Variants in LZTR1 observed in about 807,000 individuals in gnomAD.
LZTR1 encodes leucine zipper like post translational regulator 1.
In LZTR1, 260 loss-of-function variants were observed where a neutral mutation model predicts 105.7. The observed-to-expected ratio is 2.46, with a 90% CI of 2.22 to 2.72. The LOEUF is 2.72. Among genes scored for constraint, LZTR1 ranks in the 30% most tolerant of loss-of-function variants. The probability of loss-of-function intolerance (pLI) is 0.00; values close to 1 mark genes in which losing one functional copy is unlikely to be tolerated. For missense variants in LZTR1, 1,214 were observed against 1,166.9 expected, an observed-to-expected ratio of 1.04 and a Z score of -0.59; for synonymous variants, 490 against 476.4, an observed-to-expected ratio of 1.03 and a Z score of -0.37.
Position 20,996,050 on chromosome 22 carries a change from CT to C in LZTR1, c.2159del (p.Phe720SerfsTer47). ...GGGAGATGGTGCCCAGCAGGCAGGCCTTCGAGTCCATGCTGCGCTACATCTA... is the reference window on the plus strand; with the variant it reads ...GGGAGATGGTGCCCAGCAGGCAGGCCTCGAGTCCATGCTGCGCTACATCTA... ...IGEMVPSRQA[F>X]ESMLRYIYYG... On this transcript the variant is annotated frameshift_variant, in exon 18 of 21. Transcript: ENST00000646124. LOFTEE classifies it high-confidence loss of function. The C allele has an allele frequency of 6.2e-7, 1 of 1,613,526 alleles. No individual in the cohort carries two copies. The highest frequency in any genetic ancestry group is 8.5e-7 in the Non-Finnish European group (1 of 1,180,010).
rs532301173 is a variant in LZTR1 at position 20,983,992 on chromosome 22, T to A, written c.263+903T>A. Among the ~76,000 whole-genome samples the A allele has an allele frequency of 1.2e-4, 18 of 152,350 alleles. No homozygotes were observed. In the Middle Eastern group the frequency reaches 0.01, roughly 86 times the overall value. ...TGCTCCTCTGCCCTCAGTCCCTCAC[T>A]GCACTGGGGCGGCACGGGCTGCCTT... is the stretch of plus-strand genomic sequence containing the variant. On this transcript the variant is annotated intron_variant, in intron 2 of 20. Coordinates refer to ENST00000646124, the MANE Select transcript of LZTR1 (RefSeq NM_006767.4).
chr22:20,988,933 G>A lies in LZTR1; in HGVS notation c.593+61G>A, dbSNP rs763843732. On this transcript the variant is annotated intron_variant, in intron 6 of 20. Coordinates refer to ENST00000646124, the MANE Select transcript of LZTR1 (RefSeq NM_006767.4). ...ACAGCACTGAGACCCGGAGCAGGCC[G>A]TCCTGGCATTTGAGGGCTTAGGCTG... The A allele has an allele frequency of 1.8e-5, 27 of 1,470,482 alleles. 1 individual carries two copies. The highest frequency in any genetic ancestry group is 1.1e-4 in the South Asian group (10 of 88,228). 91.1% of individuals were successfully genotyped at this position (1,470,482 alleles called of 1,614,324 possible).
At chr22:20,997,180 T>C (rs1291710012) in intron 20 of LZTR1, 52 bp from the exon 21 acceptor site, 12 of 1,302,486 alleles carry the variant, frequency 9.2e-6, no homozygotes, top group Non-Finnish European at 1.3e-5. Flanking sequence ...CTGCCCACCA[T>C]GGCCCTTAGG....
chr22:20,987,581 T>G lies in LZTR1; in HGVS notation c.398T>G (p.Phe133Cys). 1.2e-6 allele frequency: 2 copies of G among 1,614,014 alleles called. No individual in the cohort carries two copies. Among genetic ancestry groups the G allele is most frequent in the Non-Finnish European group, 8.5e-7 (1 of 1,179,942 alleles). Residue 133 changes from phenylalanine (F) to cysteine (C), a missense_variant and splice_region_variant, in exon 4 of 21, where the codon TTT (phenylalanine) becomes TGT (cysteine). Physicochemically the swap from Phe to Cys is radical, Grantham distance 205. Transcript: ENST00000646124. ...AVVYGSSMFV[F>C]GGYTGDIYSN... The stretch of plus-strand genomic sequence containing the variant: ...GTCTATGGGAGCAGCATGTTTGTCT[T>G]TGGTAAGCAGCCTCTTGCCTCCCAG...
Position 20,996,101 on chromosome 22 carries a change from C to G in LZTR1, c.2208C>G (p.Pro736=). 1 of 1,612,454 alleles carries G rather than the reference C, an allele frequency of 6.2e-7. No individual in the cohort carries two copies. The highest frequency in any genetic ancestry group is 8.5e-7 in the Non-Finnish European group (1 of 1,179,910). The part of the protein sequence containing the change: ...YIYYGEVNMP[P]EDSLYLFAAP... The stretch of plus-strand genomic sequence containing the variant: ...ACTACGGCGAGGTCAACATGCCGCC[C>G]GAGGACTCGCTGCATCCTCACTCCC... Residue 736 remains proline (P), a synonymous_variant, in exon 18 of 21, where the codon CCC becomes CCG. Transcript: ENST00000646124.
At chr22:20,995,368 G>A (rs773221421) in intron 16 of LZTR1, 2 of 614,042 alleles carry the variant, frequency 3.3e-6, no homozygotes, top group Non-Finnish European at 6.3e-6. Flanking sequence ...AATGTCACAG[G>A]CCCCTTCATT....
rs1569158296 is a variant in LZTR1 at position 20,996,679 on chromosome 22, CCTT to C, written c.2220-16_2220-14del. 5.6e-6 allele frequency: 9 copies of C among 1,611,634 alleles called. No individual in the cohort carries two copies. The highest frequency in any genetic ancestry group is 1.1e-5 in the South Asian group (1 of 90,964). ...GCGGACCAGCTTCCTTTAGTCAGCT[CCTT>C]AACCAGGCCCCAGCTACTTGTTTGC... On this transcript the variant is annotated splice_polypyrimidine_tract_variant and intron_variant, in intron 18 of 20. Coordinates refer to ENST00000646124, the MANE Select transcript of LZTR1 (RefSeq NM_006767.4).
chr22:20,983,352 G>A (rs1195370862), intron 2 of LZTR1, among the ~76,000 whole-genome samples: 6 of 152,234 alleles, frequency 3.9e-5, no homozygotes, highest in Non-Finnish European at 2.9e-5. Flanking sequence ...CTGAGTAGAT[G>A]CAGCCTTGAA....
intron 3 of LZTR1, chr22:20,986,428 AGATAGAT>A (rs1463049451): frequency 2.8e-5 from 4 of 143,194 alleles, no homozygotes; most frequent in African/African-American, 1.0e-4. Context: ...AAAGAAAGAT[AGATAGAT>A]GATAGAAAGA....
chr22:20,994,645 A>G lies in LZTR1; in HGVS notation c.1703A>G (p.Gln568Arg). Residue 568 changes from glutamine (Q) to arginine (R), a missense_variant, in exon 15 of 21, where the codon CAG (glutamine) becomes CGG (arginine). Transcript: ENST00000646124. ...TGCCGCCTGGAGCAGCTGTGCCGCC[A>G]GTACATCGAGGCCTCCGTGGACCTG... ...QLCRLEQLCR[Q>R]YIEASVDLQN... 1 of 1,612,946 alleles carries G rather than the reference A, an allele frequency of 6.2e-7. No homozygotes were observed. The highest frequency in any genetic ancestry group is 8.5e-7 in the Non-Finnish European group (1 of 1,179,828).
In LZTR1 at chr22:20,993,734, G is replaced by T. The variant is rs201070853; in HGVS notation, c.1333G>T (p.Val445Leu). 3.1e-6 allele frequency: 5 copies of T among 1,613,228 alleles called. No individual in the cohort carries two copies. Among genetic ancestry groups the T allele is most frequent in the Non-Finnish European group, 3.4e-6 (4 of 1,179,870 alleles). ...GTGGGAGAGCCGCCAGTTCTGCGAC[G>T]TGGAGTTCGTGCTGGGTGAGGTGGG... ...RLWESRQFCDVEFVLGEKEEC... is the reference protein window; with the variant it reads ...RLWESRQFCDLEFVLGEKEEC... The change falls in exon 12 of 21, where the codon GTG becomes TTG. Residue 445 changes from valine to leucine, a missense_variant. Val to Leu is a conservative substitution (Grantham distance 32). Transcript: ENST00000646124.
At chr22:20,995,441 C>G (rs1276375326) in intron 16 of LZTR1, 1 of 634,992 alleles carries the variant, frequency 1.6e-6, no homozygotes, top group South Asian at 1.5e-5. Flanking sequence ...TGTCTGCAGG[C>G]ACCAGAGGCC....
At chr22:20,989,221 A>G (rs923802502) in intron 6 of LZTR1, among the ~76,000 whole-genome samples, 13 of 152,186 alleles carry the variant, frequency 8.5e-5, no homozygotes, top group Non-Finnish European at 1.5e-4. Flanking sequence ...TTATTTTAGA[A>G]AGTTGGCTTT....
At chr22:20,985,798 G>A (rs753611027) in intron 2 of LZTR1, 43 bp from the exon 3 acceptor site, 2 of 1,597,818 alleles carry the variant, frequency 1.3e-6, no homozygotes, top group East Asian at 2.2e-5. Flanking sequence ...TCACTGCAGA[G>A]TAGACCTGGC....
In LZTR1 at chr22:20,982,470, C is replaced by T. The variant is rs1372454885; in HGVS notation, c.99C>T (p.Ser33=). ...CCCCGAGCGTGGACTTCGACCATAG[C>T]TGCTCGGACAGTGTCGAGTACCTGA... ...KVAPSVDFDH[S]CSDSVEYLTL... Residue 33 remains serine, a synonymous_variant, in exon 1 of 21, where the codon AGC becomes AGT. Transcript: ENST00000646124. 1 of 1,609,680 alleles carries T rather than the reference C, an allele frequency of 6.2e-7. No homozygotes were observed. Among genetic ancestry groups the T allele is most frequent in the Non-Finnish European group, 8.5e-7 (1 of 1,178,208 alleles).
At chr22:20,986,484 A>G (rs1039737409) in intron 3 of LZTR1, 2 of 152,612 alleles carry the variant, frequency 1.3e-5, no homozygotes, top group African/African-American at 4.8e-5. Flanking sequence ...TAGATTAGAC[A>G]GATAGATGAC....
chr22:20,985,327 T>C (rs1172181286), intron 2 of LZTR1, among the ~76,000 whole-genome samples: 3 of 152,186 alleles, frequency 2.0e-5, no homozygotes, highest in African/African-American at 7.2e-5. Flanking sequence ...CCCAAAGTGC[T>C]GGGATTACAG....
intron 2 of LZTR1, among the ~76,000 whole-genome samples, chr22:20,984,042 C>T (rs192579376): frequency 8.8e-4 from 134 of 152,288 alleles, no homozygotes; most frequent in African/African-American, 3.0e-3. Context: ...GTACCAAGTG[C>T]CCCCCTGCTC....
intron 8 of LZTR1, 146 bp from the exon 9 acceptor site, chr22:20,991,482 C>A: frequency 1.5e-6 from 1 of 651,426 alleles, no homozygotes; most frequent in Non-Finnish European, 2.6e-6. Flanking sequence ...GTGCTCAGCG[C>A]AGGTGTCTAG....
Sources: allele counts gnomAD v4.1 joint callset (sites outside exome capture counted in the v4.1 genomes callset), GRCh38; gene constraint gnomAD v4.1.1; transcripts MANE v1.5; gene names NCBI Gene and HGNC (gene_info 2026-07-23, HGNC 2026-07-21).